GRID2: variants seen among roughly 807,000 people sequenced by gnomAD.
GRID2 encodes the protein glutamate receptor ionotropic, delta-2.
A neutral mutation model predicts 114.8 loss-of-function variants in GRID2; 33 were observed. The observed-to-expected ratio is 0.29, with a 90% CI of 0.22 to 0.38. The LOEUF (loss-of-function observed/expected upper bound fraction) is 0.38, where lower values mean the gene tolerates loss of function less well. Among genes scored for constraint, GRID2 ranks in the 10% least tolerant of loss-of-function variants. The probability of loss-of-function intolerance (pLI) is 1.00; values close to 1 mark genes in which losing one functional copy is unlikely to be tolerated. For missense variants in GRID2, 1,184 were observed against 1,257.7 expected (o/e 0.94, Z 0.89); for synonymous variants, 505 against 449.9 (o/e 1.12, Z -1.55).
At position 93,321,916 on chromosome 4, in the gene GRID2, T is replaced by G. The variant is rs763204405; in HGVS notation, c.1246-73691T>G. On this transcript the variant is annotated intron_variant, in intron 8 of 15. Coordinates refer to ENST00000282020, the MANE Select transcript of GRID2 (RefSeq NM_001510.4). Reference sequence around the variant, plus strand: ...TATAATTTCTATTCAGTGATTTATTTTAATTTTTACTTAAATATTATTTTT... The same window carrying G: ...TATAATTTCTATTCAGTGATTTATTGTAATTTTTACTTAAATATTATTTTT... 1.1e-3 allele frequency among the ~76,000 whole-genome samples: 173 copies of G among 152,078 alleles called. 1 individual carries two copies. Among genetic ancestry groups the G allele is most frequent in the Middle Eastern group, 6.8e-3 (2 of 294 alleles).
chr4:92,402,748 A>G (rs1490980058), intron 1 of GRID2, among the ~76,000 whole-genome samples: 1 of 152,224 alleles, frequency 6.6e-6, no homozygotes, highest in Non-Finnish European at 1.5e-5. Flanking sequence ...TAGGATGTTC[A>G]GAATGGTAAA....
intron 14 of GRID2, among the ~76,000 whole-genome samples, chr4:93,739,557 C>T (rs1731201717): frequency 6.6e-6 from 1 of 152,038 alleles, no homozygotes. Flanking sequence ...ACATATTGTC[C>T]TTGGTCTAAT....
At chr4:93,442,211 G>A (rs1288681217) in intron 10 of GRID2, among the ~76,000 whole-genome samples, 1 of 152,022 alleles carries the variant, frequency 6.6e-6, no homozygotes, top group African/African-American at 2.4e-5. Flanking sequence ...CTCAATTCTA[G>A]TTCTTTTATC....
At chr4:92,791,122 T>C (rs546414111) in intron 2 of GRID2, among the ~76,000 whole-genome samples, 1 of 151,862 alleles carries the variant, frequency 6.6e-6, no homozygotes, top group East Asian at 2.0e-4. Context: ...CAAAAAAAAA[T>C]TATATCCCAA....
intron 1 of GRID2, among the ~76,000 whole-genome samples, chr4:92,306,303 G>A (rs1297224241): frequency 6.6e-6 from 1 of 152,234 alleles, no homozygotes; most frequent in African/African-American, 2.4e-5. Flanking sequence ...AGTAAGTCAA[G>A]CACTAATAGC....
At chr4:93,302,541 CACAT>C (rs1160714760) in intron 8 of GRID2, 6 of 454,842 alleles carry the variant, frequency 1.3e-5, no homozygotes, top group Admixed American at 1.2e-4. Flanking sequence ...TTGTGTAATA[CACAT>C]ACATATGTAC....
intron 1 of GRID2, among the ~76,000 whole-genome samples, chr4:92,499,421 G>A (rs536435564): frequency 6.6e-6 from 1 of 151,952 alleles, no homozygotes; most frequent in Admixed American, 6.6e-5. Context: ...TTCTCTATTT[G>A]TTCCTAAGAT....
rs143304847 is a variant in GRID2, at chr4:93,405,221, C to T, written c.1347+9513C>T. The stretch of plus-strand genomic sequence containing the variant: ...ATGGGGAAAATATGATTTTTATAAA[C>T]AGACTCTTAAAGAAAAATGGCCTAT... On this transcript the variant is annotated intron_variant, in intron 9 of 15. Transcript: ENST00000282020. 9.3e-4 allele frequency among the ~76,000 whole-genome samples: 142 copies of T among 152,188 alleles called. 3 individuals carry two copies. In the East Asian group the frequency reaches 0.024, roughly 25 times the overall value.
At chr4:93,623,388 G>A (rs1742396146) in intron 13 of GRID2, among the ~76,000 whole-genome samples, 1 of 151,876 alleles carries the variant, frequency 6.6e-6, no homozygotes, top group Admixed American at 6.6e-5. Context: ...TGTGGTGTTT[G>A]GTTTTCTGTT....
chr4:92,542,274 C>G (rs1225986237), intron 1 of GRID2, among the ~76,000 whole-genome samples: 1 of 151,928 alleles, frequency 6.6e-6, no homozygotes, highest in African/African-American at 2.4e-5. Flanking sequence ...GAGCACACCA[C>G]TACACTCCAG....
At chr4:93,040,029 T>G (rs1292400882) in intron 2 of GRID2, among the ~76,000 whole-genome samples, 1 of 152,196 alleles carries the variant, frequency 6.6e-6, no homozygotes, top group East Asian at 1.9e-4. Flanking sequence ...CCAAGTTATT[T>G]TGGACCTTAA....
intron 2 of GRID2, among the ~76,000 whole-genome samples, chr4:92,762,565 C>A (rs948517703): frequency 2.0e-5 from 3 of 151,970 alleles, no homozygotes; most frequent in Non-Finnish European, 4.4e-5. Context: ...ATTTCTATAA[C>A]TCAGCTTCAG....
intron 2 of GRID2, among the ~76,000 whole-genome samples, chr4:93,005,076 T>G (rs1721372065): frequency 6.6e-6 from 1 of 152,056 alleles, no homozygotes; most frequent in Non-Finnish European, 1.5e-5. Flanking sequence ...TACCAGTGTT[T>G]CTACTGTGCT....
intron 1 of GRID2, among the ~76,000 whole-genome samples, chr4:92,400,359 ATG>A (rs1165658590): frequency 6.6e-6 from 1 of 152,182 alleles, no homozygotes; most frequent in African/African-American, 2.4e-5. Flanking sequence ...ATCATGCAAT[ATG>A]TGGCCTTTTG....
At chr4:93,588,223 A>C (rs966900889) in intron 13 of GRID2, among the ~76,000 whole-genome samples, 2 of 152,122 alleles carry the variant, frequency 1.3e-5, no homozygotes, top group Non-Finnish European at 2.9e-5. Context: ...AAAAGAAGAA[A>C]GGGGGAGGGA....
chr4:93,252,122 A>C (rs1191754106), intron 8 of GRID2, among the ~76,000 whole-genome samples: 1 of 152,038 alleles, frequency 6.6e-6, no homozygotes, highest in East Asian at 1.9e-4. Flanking sequence ...TTTGGTCTTC[A>C]TCATGAAATC....
intron 3 of GRID2, among the ~76,000 whole-genome samples, chr4:93,096,444 C>A (rs747533612): frequency 6.6e-6 from 1 of 151,878 alleles, no homozygotes; most frequent in Admixed American, 6.6e-5. Context: ...ATCCGAAAAA[C>A]GTATAAATAT....
At chr4:92,367,138 A>C (rs1253481828) in intron 1 of GRID2, among the ~76,000 whole-genome samples, 1 of 151,998 alleles carries the variant, frequency 6.6e-6, no homozygotes, top group Non-Finnish European at 1.5e-5. Context: ...CACTGTTGGC[A>C]CTGTGTGATT....
chr4:93,301,609 A>T (rs1754876088), intron 8 of GRID2, among the ~76,000 whole-genome samples: 1 of 152,200 alleles, frequency 6.6e-6, no homozygotes, highest in Admixed American at 6.5e-5. Context: ...GTTTTAAAAC[A>T]GTAACTGTTT....
Sources: gnomAD v4.1 joint callset for allele counts (sites outside exome capture counted in the v4.1 genomes callset) on GRCh38, gnomAD v4.1.1 for gene constraint, MANE v1.5 for transcripts, NCBI Gene and HGNC (gene_info 2026-07-23, HGNC 2026-07-21) for gene names.